Variants in SLC4A4 observed in about 807,000 individuals in gnomAD.
SLC4A4 encodes the protein electrogenic sodium bicarbonate cotransporter 1.
SLC4A4 carries 27 observed loss-of-function variants against 111.5 expected under a neutral mutation model. The observed-to-expected ratio is 0.24, with a 90% confidence interval of 0.18 to 0.33. The LOEUF (loss-of-function observed/expected upper bound fraction) is 0.33, where lower values mean the gene tolerates loss of function less well. Among genes scored for constraint, SLC4A4 ranks in the 10% least tolerant of loss-of-function variants. The probability of loss-of-function intolerance (pLI) is 1.00; values close to 1 mark genes in which losing one functional copy is unlikely to be tolerated. For missense variants in SLC4A4, 909 were observed against 1,315.5 expected, an observed-to-expected ratio of 0.69 and a Z score of 4.78; for synonymous variants, 443 against 463.4, an observed-to-expected ratio of 0.96 and a Z score of 0.57.
intron 1 of SLC4A4, among the ~76,000 whole-genome samples, chr4:71,069,887 G>T (rs200502302): frequency 2.6e-5 from 4 of 151,294 alleles, no homozygotes; most frequent in East Asian, 3.9e-4. Context: ...AATAAAATTA[G>T]TTTTTTTTTA....
At chr4:71,291,097 A>G (rs1249260003) in intron 3 of SLC4A4, among the ~76,000 whole-genome samples, 1 of 152,248 alleles carries the variant, frequency 6.6e-6, no homozygotes, top group African/African-American at 2.4e-5. Flanking sequence ...CCATTTTGTA[A>G]GAAACAACAG....
intron 2 of SLC4A4, among the ~76,000 whole-genome samples, chr4:71,102,609 C>T (rs1052978656): frequency 7.2e-4 from 110 of 151,914 alleles, no homozygotes; most frequent in Non-Finnish European, 1.2e-3. Context: ...GAGTGGGGGC[C>T]AATATTCAAC....
intron 3 of SLC4A4, among the ~76,000 whole-genome samples, chr4:71,280,524 G>A (rs938151560): frequency 6.6e-6 from 1 of 152,058 alleles, no homozygotes; most frequent in Middle Eastern, 3.2e-3. Flanking sequence ...ATGGTTTCAG[G>A]GCTTAGATTT....
At chr4:71,080,489 A>G (rs1460010786) in intron 1 of SLC4A4, among the ~76,000 whole-genome samples, 7 of 152,128 alleles carry the variant, frequency 4.6e-5, no homozygotes, top group African/African-American at 1.2e-4. Context: ...GGGCACATGT[A>G]AAAGGATGAG....
At chr4:71,207,365 C>T (rs1465451213) in intron 1 of SLC4A4, among the ~76,000 whole-genome samples, 1 of 152,164 alleles carries the variant, frequency 6.6e-6, no homozygotes, top group Non-Finnish European at 1.5e-5. Context: ...TTTATTAATT[C>T]AGAATTAGAA....
chr4:71,107,908 T>C (rs1257586392), intron 2 of SLC4A4, among the ~76,000 whole-genome samples: 4 of 152,104 alleles, frequency 2.6e-5, no homozygotes, highest in African/African-American at 7.2e-5. Context: ...CACTCGGTTG[T>C]CTAAGCTCCT....
intron 7 of SLC4A4, among the ~76,000 whole-genome samples, chr4:71,421,609 T>A (rs1006379096): frequency 2.6e-5 from 4 of 152,014 alleles, no homozygotes; most frequent in Non-Finnish European, 4.4e-5. Context: ...CAGCAAATGT[T>A]AAAGAACAGA....
intron 2 of SLC4A4, among the ~76,000 whole-genome samples, chr4:71,175,529 A>T (rs979152089): frequency 6.6e-6 from 1 of 152,224 alleles, no homozygotes; most frequent in Non-Finnish European, 1.5e-5. Flanking sequence ...CCAGGAGATT[A>T]TATCCCGCGC....
At chr4:71,453,431 C>T in intron 11 of SLC4A4, 64 bp from the exon 12 acceptor site, 1 of 1,470,698 alleles carries the variant, frequency 6.8e-7, no homozygotes, top group South Asian at 1.1e-5. Flanking sequence ...AATGAGTTAC[C>T]TCTTGATTAA....
At chr4:71,404,310 G>A (rs1720640286) in intron 7 of SLC4A4, among the ~76,000 whole-genome samples, 1 of 152,248 alleles carries the variant, frequency 6.6e-6, no homozygotes, top group Non-Finnish European at 1.5e-5. Flanking sequence ...TAGTCTTTGT[G>A]GTTCAGAAAG....
At chr4:71,140,251 C>T (rs926745579) in intron 2 of SLC4A4, among the ~76,000 whole-genome samples, 3 of 152,034 alleles carry the variant, frequency 2.0e-5, no homozygotes, top group South Asian at 2.1e-4. Context: ...GAAACCCTGA[C>T]GCTACAGAAA....
intron 6 of SLC4A4, among the ~76,000 whole-genome samples, chr4:71,364,432 A>G (rs541691550): frequency 4.1e-4 from 62 of 152,344 alleles, no homozygotes; most frequent in African/African-American, 1.1e-3. Flanking sequence ...CCATAACAAA[A>G]TAGCTTAGAT....
intron 1 of SLC4A4, among the ~76,000 whole-genome samples, chr4:71,195,533 G>GTTATAACA (rs1560772773): frequency 6.2e-4 from 95 of 152,076 alleles, no homozygotes; most frequent in African/African-American, 2.2e-3. Context: ...ATAAATACAA[G>GTTATAACA]GGGTAGTTAT....
chr4:71,102,414 C>T (rs1475561941), intron 2 of SLC4A4, among the ~76,000 whole-genome samples: 1 of 150,950 alleles, frequency 6.6e-6, no homozygotes, highest in African/African-American at 2.4e-5. Context: ...TCAGGAAATA[C>T]AGAGAACGCC....
intron 16 of SLC4A4, among the ~76,000 whole-genome samples, chr4:71,527,218 G>A (rs1733496225): frequency 6.6e-6 from 1 of 152,166 alleles, no homozygotes; most frequent in South Asian, 2.1e-4. Flanking sequence ...GGGCGCAAGT[G>A]CAGAAGCAGG....
chr4:71,129,434 T>A (rs1743643216), intron 2 of SLC4A4, among the ~76,000 whole-genome samples: 1 of 152,118 alleles, frequency 6.6e-6, no homozygotes, highest in South Asian at 2.1e-4. Context: ...CATACACCAG[T>A]CAGAATGGCT....
chr4:71,236,792 C>G, intron 2 of SLC4A4, 143 bp downstream of exon 2: 1 of 722,528 alleles, frequency 1.4e-6, no homozygotes, highest in East Asian at 3.0e-5. Context: ...TCTACATTTG[C>G]TTCAACACAG....
chr4:71,421,823 A>T (rs1274158527), intron 7 of SLC4A4, among the ~76,000 whole-genome samples: 1 of 152,168 alleles, frequency 6.6e-6, no homozygotes, highest in Non-Finnish European at 1.5e-5. Flanking sequence ...AATCTCTGGG[A>T]CACATTCAAA....
chr4:71,370,417 A>C (rs1350369818), intron 6 of SLC4A4, among the ~76,000 whole-genome samples: 1 of 152,200 alleles, frequency 6.6e-6, no homozygotes, highest in Non-Finnish European at 1.5e-5. Context: ...TCTTCTAATA[A>C]ATTCTTTTAC....
Sources: gnomAD v4.1 joint callset for allele counts (sites outside exome capture counted in the v4.1 genomes callset) on GRCh38, gnomAD v4.1.1 for gene constraint, MANE v1.5 for transcripts, NCBI Gene and HGNC (gene_info 2026-07-23, HGNC 2026-07-21) for gene names.